ZW10: variants seen among roughly 807,000 people sequenced by gnomAD.
The protein encoded by ZW10 is centromere/kinetochore protein zw10 homolog.
ZW10 carries 53 observed loss-of-function variants against 87.8 expected under a neutral mutation model. The ratio of observed to expected loss-of-function variants is 0.60; its 90% confidence interval spans 0.48 to 0.76. The LOEUF is 0.76. ZW10 is among the 30% of genes least tolerant of loss of function. The probability of loss-of-function intolerance (pLI) is 0.00; values close to 1 mark genes in which losing one functional copy is unlikely to be tolerated. For synonymous variants in ZW10, 312 were observed against 329.2 expected, an observed-to-expected ratio of 0.95 and a Z score of 0.57; for missense variants, 837 against 923.0, an observed-to-expected ratio of 0.91 and a Z score of 1.21.
At chr11:113,736,531 G>GA (rs1157068900) in intron 15 of ZW10, 89 bp downstream of exon 15, 1 of 1,355,408 alleles carries the variant, frequency 7.4e-7, no homozygotes, top group Non-Finnish European at 1.0e-6. Context: ...CTAACATCAG[G>GA]AAACAGGGAA....
chr11:113,766,267 AG>A (rs1953906226), intron 2 of ZW10, among the ~76,000 whole-genome samples: 2 of 152,238 alleles, frequency 1.3e-5, no homozygotes, highest in Admixed American at 1.3e-4. Flanking sequence ...CAGGAGGGTG[AG>A]GTGAGAGAAT....
intron 2 of ZW10, among the ~76,000 whole-genome samples, chr11:113,762,868 C>T (rs181732354): frequency 7.9e-5 from 12 of 152,242 alleles, no homozygotes; most frequent in Non-Finnish European, 1.5e-4. Context: ...ACACACTATA[C>T]GCTGTAGAAA....
rs1375478993 is a variant in ZW10, at chr11:113,758,359, T to A, written c.733+195A>T. 4.5e-4 allele frequency among the ~76,000 whole-genome samples: 47 copies of A among 104,852 alleles called. No homozygotes were observed. The South Asian group carries it at 0.011, about 24-fold the overall frequency. The allele number at this position is 104,852 out of a possible 152,430, so 68.8% of individuals were successfully genotyped here. A position where few individuals can be genotyped will look rare whatever the true frequency, so the allele number is the denominator to read the frequency against. ...ATTATTCAAAAACCAAAAAAAAAAA[T>A]AGGAACAGTTGAAAAAAAAAAAACC... On this transcript the variant is annotated intron_variant, in intron 6 of 15. Transcript: ENST00000200135.
At chr11:113,735,276 T>C (rs1447004765) in intron 15 of ZW10, among the ~76,000 whole-genome samples, 1 of 152,326 alleles carries the variant, frequency 6.6e-6, no homozygotes, top group East Asian at 1.9e-4. Context: ...ATGATCATTC[T>C]TAGACTGCAA....
chr11:113,762,897 T>C (rs1446489125), intron 2 of ZW10, among the ~76,000 whole-genome samples: 1 of 152,188 alleles, frequency 6.6e-6, no homozygotes, highest in East Asian at 1.9e-4. Context: ...GTGTGTGTTT[T>C]TATTTCTTCT....
At position 113,764,133 on chromosome 11, in the gene ZW10, C is replaced by T. The variant is rs1953889171; in HGVS notation, c.241-3215G>A. On this transcript the variant is annotated intron_variant, in intron 2 of 15. Transcript: ENST00000200135. ...TGAATAGCAGATCCTTTCCCCATTG[C>T]TTGTTTTTGTCAGGTTTGTCAAAGA... 2.0e-5 allele frequency among the ~76,000 whole-genome samples: 3 copies of T among 152,326 alleles called. No individual in the cohort carries two copies. The South Asian group carries it at 6.2e-4, about 32-fold the overall frequency.
chr11:113,740,433 T>C lies in ZW10; in HGVS notation c.1584-1051A>G, dbSNP rs534766072. Among the ~76,000 whole-genome samples, 3 of 152,002 alleles carry C rather than the reference T, an allele frequency of 2.0e-5. No individual in the cohort carries two copies. The South Asian group carries it at 6.2e-4, about 32-fold the overall frequency. On this transcript the variant is annotated intron_variant, in intron 11 of 15. Coordinates refer to ENST00000200135, the MANE Select transcript of ZW10 (RefSeq NM_004724.4). ...TACAGACCCTATCATTACAAAAATA[T>C]GTTAGACAGGTGTGGTGGTGTGTGC...
At chr11:113,773,529 C>T in intron 1 of ZW10, 33 bp downstream of exon 1, 2 of 1,591,880 alleles carry the variant, frequency 1.3e-6, no homozygotes, top group Non-Finnish European at 1.7e-6. Flanking sequence ...CCGGAGTCCC[C>T]TTCCAGTCAG....
intron 10 of ZW10, 47 bp downstream of exon 10, chr11:113,743,755 G>A: frequency 1.5e-6 from 2 of 1,378,176 alleles, no homozygotes; most frequent in Non-Finnish European, 2.1e-6. Context: ...AGTTAGATAT[G>A]CATTTAACCA....
Position 113,743,843 on chromosome 11 carries a change from G to A in ZW10, c.1470C>T (p.Ala490=). The A allele has an allele frequency of 1.2e-6, 2 of 1,614,154 alleles. No homozygotes were observed. The highest frequency in any genetic ancestry group is 2.2e-5 in the South Asian group (2 of 91,082). Residue 490 remains alanine, a synonymous_variant, in exon 10 of 16, where the codon GCC becomes GCT. Transcript: ENST00000200135. ...SESVKKLMEL[A]YQTLLEATTS... ...TTGTTGCCTCTAGTAAAGTCTGATA[G>A]GCGAGTTCCATTAATTTCTTCACAG... is the stretch of plus-strand genomic sequence containing the variant.
intron 2 of ZW10, among the ~76,000 whole-genome samples, chr11:113,764,317 T>G (rs539613181): frequency 6.6e-6 from 1 of 152,340 alleles, no homozygotes; most frequent in Admixed American, 6.5e-5. Flanking sequence ...TTTGTTCTTT[T>G]TGTTTAGGAT....
intron 14 of ZW10, among the ~76,000 whole-genome samples, chr11:113,737,077 T>A (rs939772993): frequency 6.6e-6 from 1 of 152,240 alleles, no homozygotes; most frequent in Non-Finnish European, 1.5e-5. Flanking sequence ...TCCAATAGAA[T>A]GTCGCACAGC....
At chr11:113,736,167 CAGGAGGCTGAGGT>C (rs1953551307) in intron 15 of ZW10, among the ~76,000 whole-genome samples, 1 of 151,798 alleles carries the variant, frequency 6.6e-6, no homozygotes, top group Non-Finnish European at 1.5e-5. Flanking sequence ...CCCAGCTACT[CAGGAGGCTGAGGT>C]GGGAGGATCC....
intron 1 of ZW10, 97 bp from the exon 2 acceptor site, chr11:113,769,064 G>A: frequency 7.6e-7 from 1 of 1,323,928 alleles, no homozygotes; most frequent in East Asian, 2.3e-5. Flanking sequence ...TTCCATGTTA[G>A]AACCTTCTTG....
intron 7 of ZW10, among the ~76,000 whole-genome samples, chr11:113,757,063 T>C (rs564107778): frequency 6.6e-6 from 1 of 150,618 alleles, no homozygotes; most frequent in East Asian, 2.0e-4. Flanking sequence ...GGCTATTCAA[T>C]ATGACAGCTG....
chr11:113,737,633 G>A lies in ZW10; in HGVS notation c.1955C>T (p.Ala652Val), dbSNP rs544882278. Residue 652 changes from alanine (A) to valine (V), a missense_variant, in exon 14 of 16, where the codon GCT becomes GTT. By Grantham distance (64) the Ala-to-Val change is moderately conservative. Coordinates refer to ENST00000200135, the MANE Select transcript of ZW10 (RefSeq NM_004724.4). ...DVLPVNIYCK[A>V]MGTLLNTAIS... ...TGCTGTATTGAGTAAAGTCCCCATA[G>A]CCTTGCAATATATATTCACTGGCAG... The A allele has an allele frequency of 5.9e-5, 96 of 1,613,578 alleles. No homozygotes were observed. The highest frequency in any genetic ancestry group is 1.3e-4 in the Admixed American group (8 of 60,004).
chr11:113,750,619 A>G (rs1054116756), intron 7 of ZW10, among the ~76,000 whole-genome samples: 4 of 152,184 alleles, frequency 2.6e-5, no homozygotes, highest in Non-Finnish European at 5.9e-5. Context: ...ACATTTTTTA[A>G]GACAATAAAG....
chr11:113,760,702 AAAG>A (rs1374285941), intron 3 of ZW10, 112 bp from the exon 4 acceptor site: 53 of 1,211,710 alleles, frequency 4.4e-5, no homozygotes, highest in Non-Finnish European at 5.8e-5. Flanking sequence ...AAAAAAAAAA[AAAG>A]AAAGAAAAAA....
intron 11 of ZW10, 28 bp downstream of exon 11, chr11:113,741,666 T>C (rs763567009): frequency 1.2e-4 from 170 of 1,445,208 alleles, no homozygotes; most frequent in Non-Finnish European, 1.6e-4. Flanking sequence ...ACAATTATTA[T>C]ATAGAAATGA....
Sources: allele counts gnomAD v4.1 joint callset (sites outside exome capture counted in the v4.1 genomes callset), GRCh38; gene constraint gnomAD v4.1.1; transcripts MANE v1.5; gene names NCBI Gene and HGNC (gene_info 2026-07-23, HGNC 2026-07-21).